Variants in XXYLT1 observed in about 807,000 individuals in gnomAD.
The protein encoded by XXYLT1 is xyloside xylosyltransferase 1.
In XXYLT1, 20 loss-of-function variants were observed where a neutral mutation model predicts 28.9. That is an observed-to-expected ratio of 0.69 (90% CI 0.49 to 1.00). The LOEUF is 1.00. Ranked by LOEUF, XXYLT1 falls within the 50% of genes least tolerant of loss-of-function variation. XXYLT1 has a pLI of 0.00. For synonymous variants in XXYLT1, 257 were observed against 253.8 expected, an observed-to-expected ratio of 1.01 and a Z score of -0.12; for missense variants, 542 against 560.1, an observed-to-expected ratio of 0.97 and a Z score of 0.33.
intron 3 of XXYLT1, among the ~76,000 whole-genome samples, chr3:195,127,899 C>A (rs1198386592): frequency 6.6e-6 from 1 of 152,132 alleles, no homozygotes; most frequent in Non-Finnish European, 1.5e-5. Context: ...TTATATAAAT[C>A]ATTGAAAGAG....
At chr3:195,242,493 C>T (rs1301997927) in intron 1 of XXYLT1, among the ~76,000 whole-genome samples, 1 of 152,004 alleles carries the variant, frequency 6.6e-6, no homozygotes, top group Non-Finnish European at 1.5e-5. Context: ...GACATGGACA[C>T]ATGAGGAGTG....
intron 2 of XXYLT1, among the ~76,000 whole-genome samples, chr3:195,187,502 C>G (rs977652082): frequency 6.6e-6 from 1 of 152,072 alleles, no homozygotes; most frequent in African/African-American, 2.4e-5. Context: ...CTATGAGGAG[C>G]CCTAAGAATA....
intron 3 of XXYLT1, among the ~76,000 whole-genome samples, chr3:195,119,909 G>A (rs571011487): frequency 9.2e-5 from 14 of 151,592 alleles, no homozygotes; most frequent in African/African-American, 3.4e-4. Flanking sequence ...AAGCAGGGAA[G>A]GCAGGGGGAG....
At chr3:195,151,293 C>T (rs1179179812) in intron 3 of XXYLT1, among the ~76,000 whole-genome samples, 3 of 152,124 alleles carry the variant, frequency 2.0e-5, no homozygotes, top group Non-Finnish European at 4.4e-5. Context: ...CCTGTCATCC[C>T]AGTACTTTGG....
intron 3 of XXYLT1, among the ~76,000 whole-genome samples, chr3:195,110,317 G>GTGTGGTGCATGTGT (rs748914872): frequency 1.5e-4 from 1 of 6,626 alleles, no homozygotes; most frequent in Non-Finnish European, 2.7e-4. Flanking sequence ...TGTGTGTGTG[G>GTGTGGTGCATGTGT]GTGAGGGTGA....
At chr3:195,230,205 A>G (rs1560164608) in intron 1 of XXYLT1, among the ~76,000 whole-genome samples, 1 of 152,080 alleles carries the variant, frequency 6.6e-6, no homozygotes, top group Non-Finnish European at 1.5e-5. Flanking sequence ...CTATTCAGAT[A>G]TTTTGCCCAA....
At chr3:195,148,693 G>C (rs936014236) in intron 3 of XXYLT1, among the ~76,000 whole-genome samples, 24 of 152,152 alleles carry the variant, frequency 1.6e-4, no homozygotes, top group African/African-American at 2.4e-5. Context: ...AATCTGCAGA[G>C]AGATGGAAAG....
intron 2 of XXYLT1, among the ~76,000 whole-genome samples, chr3:195,222,679 CT>C (rs1723880344): frequency 1.3e-5 from 2 of 152,222 alleles, no homozygotes; most frequent in South Asian, 4.1e-4. Context: ...GGAGGTTCAT[CT>C]ACTCAATAAA....
At chr3:195,101,197 C>T (rs139534114) in intron 3 of XXYLT1, among the ~76,000 whole-genome samples, 41 of 152,384 alleles carry the variant, frequency 2.7e-4, no homozygotes, top group Non-Finnish European at 4.6e-4. Context: ...CAGTGCTATG[C>T]CGTCCTTACG....
At chr3:195,254,935 C>T (rs1725421363) in intron 1 of XXYLT1, among the ~76,000 whole-genome samples, 1 of 152,156 alleles carries the variant, frequency 6.6e-6, no homozygotes, top group East Asian at 1.9e-4. Context: ...TGAGGTAGAG[C>T]CAGGATCTAA....
intron 2 of XXYLT1, among the ~76,000 whole-genome samples, chr3:195,185,940 C>T (rs1387848477): frequency 6.6e-6 from 1 of 152,160 alleles, no homozygotes; most frequent in East Asian, 1.9e-4. Flanking sequence ...CTCCCTTGGC[C>T]CTCAAGCTCT....
chr3:195,124,967 A>C lies in XXYLT1; in HGVS notation c.785+31482T>G, dbSNP rs1718542859. 6.6e-6 allele frequency among the ~76,000 whole-genome samples: 1 copy of C among 152,212 alleles called. No homozygotes were observed. Among genetic ancestry groups the C allele is most frequent in the Non-Finnish European group, 1.5e-5 (1 of 68,024 alleles). On this transcript the variant is annotated intron_variant, in intron 3 of 3. Transcript: ENST00000310380. This position sits in a 1 kb window ranked among gnomAD's most constrained non-coding sequence, Gnocchi z 4.1. ...AGAGGGAAAAGAGCAGTACGAATAA[A>C]TGGCATCTCAGCTTCTTTCAAGCTA...
intron 2 of XXYLT1, among the ~76,000 whole-genome samples, chr3:195,171,546 T>C (rs1481306191): frequency 6.6e-6 from 1 of 152,216 alleles, no homozygotes; most frequent in East Asian, 1.9e-4. Flanking sequence ...TTTAACCTTA[T>C]CCAGGCAGGT....
chr3:195,112,952 CATGGGTTTCAAA>C (rs1323434985), intron 3 of XXYLT1, among the ~76,000 whole-genome samples: 3 of 152,250 alleles, frequency 2.0e-5, no homozygotes, highest in Non-Finnish European at 4.4e-5. Context: ...GTCAAGAGAA[CATGGGTTTCAAA>C]ATCCAATCTG....
chr3:195,263,355 G>A (rs1445889082), intron 1 of XXYLT1, among the ~76,000 whole-genome samples: 1 of 152,182 alleles, frequency 6.6e-6, no homozygotes, highest in Non-Finnish European at 1.5e-5. Context: ...TCATGTGTTG[G>A]AAATGTGAGC....
intron 2 of XXYLT1, among the ~76,000 whole-genome samples, chr3:195,179,324 G>T (rs148291796): frequency 0.022 from 3,293 of 146,856 alleles, 132 homozygotes; most frequent in African/African-American, 0.079. Flanking sequence ...TGGGCGACAA[G>T]AGTGAGACAC....
chr3:195,137,761 T>G (rs1039333714), intron 3 of XXYLT1, among the ~76,000 whole-genome samples: 1 of 152,196 alleles, frequency 6.6e-6, no homozygotes, highest in Non-Finnish European at 1.5e-5. Context: ...TAGTATTATG[T>G]CATGTGTACA....
intron 3 of XXYLT1, among the ~76,000 whole-genome samples, chr3:195,135,563 G>A (rs1011306274): frequency 2.0e-5 from 3 of 152,158 alleles, no homozygotes; most frequent in Admixed American, 2.0e-4. Flanking sequence ...ACCCAGGCTG[G>A]CTCGGAACAC....
chr3:195,095,770 G>A (rs546245890), intron 3 of XXYLT1: 2 of 152,528 alleles, frequency 1.3e-5, no homozygotes, highest in East Asian at 3.9e-4. Flanking sequence ...TGGAGGGGGA[G>A]TGAGTCTCAG....
Sources: gnomAD v4.1 joint callset for allele counts (sites outside exome capture counted in the v4.1 genomes callset) on GRCh38, gnomAD v4.1.1 for gene constraint, Gnocchi (gnomAD v3.1) non-coding constraint, MANE v1.5 for transcripts, NCBI Gene and HGNC (gene_info 2026-07-23, HGNC 2026-07-21) for gene names.